The following SPEF2 variants were observed in gnomAD, a reference collection of about 807,000 sequenced individuals.
The protein encoded by SPEF2 is sperm flagella and cilia-associated protein 2.
In SPEF2, 187 loss-of-function variants were observed where a neutral mutation model predicts 224.6. The observed-to-expected ratio is 0.83, with a 90% CI of 0.74 to 0.94. The LOEUF is 0.94. Among genes scored for constraint, SPEF2 ranks in the 40% least tolerant of loss-of-function variants. The pLI, the probability that SPEF2 is intolerant of heterozygous loss-of-function variation, is 0.00. For missense variants in SPEF2, 2,170 were observed against 2,135.6 expected, an observed-to-expected ratio of 1.02 and a Z score of -0.32; for synonymous variants, 715 against 707.3, an observed-to-expected ratio of 1.01 and a Z score of -0.17.
At chr5:35,692,943 T>G (rs933944640) in intron 12 of SPEF2, among the ~76,000 whole-genome samples, 1 of 152,166 alleles carries the variant, frequency 6.6e-6, no homozygotes, top group Non-Finnish European at 1.5e-5. Flanking sequence ...TGTGGGTACT[T>G]GTATAACAAG....
At chr5:35,762,509 T>C (rs1251611675) in intron 25 of SPEF2, among the ~76,000 whole-genome samples, 2 of 152,176 alleles carry the variant, frequency 1.3e-5, no homozygotes. Flanking sequence ...TTAGGCACGG[T>C]AGACTGTGCC....
At chr5:35,690,354 T>C (rs1476544904) in intron 10 of SPEF2, among the ~76,000 whole-genome samples, 2 of 152,194 alleles carry the variant, frequency 1.3e-5, no homozygotes, top group African/African-American at 4.8e-5. Flanking sequence ...ATGTGTACAG[T>C]TTGATCTGAC....
At position 35,773,877 on chromosome 5, in the gene SPEF2, T is replaced by C; in HGVS notation, c.3950-16T>C. 3.1e-6 allele frequency: 5 copies of C among 1,608,786 alleles called. No homozygotes were observed. Among genetic ancestry groups the C allele is most frequent in the Non-Finnish European group, 4.2e-6 (5 of 1,177,902 alleles). On this transcript the variant is annotated splice_polypyrimidine_tract_variant and intron_variant, in intron 27 of 36. Transcript: ENST00000356031. ...TATTTTGTTAGTTTACTCAGCATGT[T>C]TCATTGCCCTTTCAGGTAAATCACC...
chr5:35,756,302 C>T (rs1750437494), intron 24 of SPEF2, among the ~76,000 whole-genome samples: 2 of 152,134 alleles, frequency 1.3e-5, no homozygotes, highest in Non-Finnish European at 2.9e-5. Flanking sequence ...TGAGGTTTCA[C>T]GCATCCATTG....
intron 32 of SPEF2, among the ~76,000 whole-genome samples, chr5:35,794,675 C>T (rs186685235): frequency 6.6e-6 from 1 of 152,276 alleles, no homozygotes; most frequent in Admixed American, 6.5e-5. Context: ...TTGTATGTGG[C>T]AATTAACATA....
At chr5:35,791,378 G>T (rs1483327727) in intron 30 of SPEF2, 1 of 152,152 alleles carries the variant, frequency 6.6e-6, no homozygotes, top group African/African-American at 2.4e-5. Context: ...AAGGATTATT[G>T]CATTTCCCTG....
Position 35,739,890 on chromosome 5 carries a change from AAC to A in SPEF2, c.3064-27_3064-26del, listed in dbSNP as rs752801082. 14 of 1,606,888 alleles carry A rather than the reference AAC, an allele frequency of 8.7e-6. No individual in the cohort carries two copies. The Admixed American group carries it at 2.4e-4, about 28-fold the overall frequency. On this transcript the variant is annotated intron_variant, in intron 21 of 36. Transcript: ENST00000356031. ...TTCAGAAGAACTTTCATTTTGAAGT[AAC>A]AGTTTCTACACTTTACCATTTAACA...
At chr5:35,742,297 C>A (rs1747770837) in intron 23 of SPEF2, among the ~76,000 whole-genome samples, 1 of 152,126 alleles carries the variant, frequency 6.6e-6, no homozygotes, top group Non-Finnish European at 1.5e-5. Flanking sequence ...ATCCAGCTAA[C>A]TGTTGACCAC....
intron 6 of SPEF2, among the ~76,000 whole-genome samples, chr5:35,652,904 T>C (rs1748404667): frequency 6.6e-6 from 1 of 152,100 alleles, no homozygotes; most frequent in Non-Finnish European, 1.5e-5. Context: ...ATAATAAGAT[T>C]ATAAGTAATA....
At position 35,670,051 on chromosome 5, in the gene SPEF2, T is replaced by G; in HGVS notation, c.1356-8T>G. ...TTGATTCATCTCTACCTTTTTTTTG[T>G]GCGATAGTCTGATTCCGTATAAGTT... On this transcript the variant is annotated splice_region_variant and splice_polypyrimidine_tract_variant and intron_variant, in intron 9 of 36. Transcript: ENST00000356031. The G allele has an allele frequency of 6.3e-7, 1 of 1,582,196 alleles. No individual in the cohort carries two copies. Among genetic ancestry groups the G allele is most frequent in the Non-Finnish European group, 8.6e-7 (1 of 1,169,364 alleles).
chr5:35,807,223 G>A lies in SPEF2; in HGVS notation c.5349G>A (p.Leu1783=), dbSNP rs1245914692. Residue 1783 remains leucine, a synonymous_variant, in exon 36 of 37, where the codon CTG becomes CTA. Transcript: ENST00000356031. ...VLLKHPFIQD[L]ISNYSDYKFP... ...TGAAGCATCCTTTTATTCAAGACCT[G>A]ATTTCAAATTATTCAGACTATAAGT... 5 of 1,613,368 alleles carry A rather than the reference G, an allele frequency of 3.1e-6. No individual in the cohort carries two copies. The highest frequency in any genetic ancestry group is 1.1e-5 in the South Asian group (1 of 90,850).
intron 36 of SPEF2, among the ~76,000 whole-genome samples, chr5:35,809,998 C>T (rs1349520037): frequency 6.6e-6 from 1 of 152,064 alleles, no homozygotes; most frequent in Non-Finnish European, 1.5e-5. Context: ...CAATTATTTC[C>T]TCTCATACTG....
chr5:35,734,104 C>T (rs1028916956), intron 21 of SPEF2, among the ~76,000 whole-genome samples: 9 of 152,048 alleles, frequency 5.9e-5, no homozygotes, highest in African/African-American at 1.9e-4. Flanking sequence ...CTGCTCTAGA[C>T]AAGAACTAAT....
At chr5:35,784,030 T>C (rs1394611897) in intron 30 of SPEF2, among the ~76,000 whole-genome samples, 1 of 152,194 alleles carries the variant, frequency 6.6e-6, no homozygotes, top group Non-Finnish European at 1.5e-5. Flanking sequence ...CCCTCTCTTT[T>C]TCTTCAAAAG....
chr5:35,627,319 C>T (rs552225783), intron 1 of SPEF2, among the ~76,000 whole-genome samples: 5 of 151,690 alleles, frequency 3.3e-5, no homozygotes, highest in East Asian at 3.9e-4. Context: ...TTTTTTTTCT[C>T]GGCTGGGCAC....
chr5:35,670,146 A>C lies in SPEF2; in HGVS notation c.1443A>C (p.Leu481=). The C allele has an allele frequency of 6.2e-7, 1 of 1,612,516 alleles. No individual in the cohort carries two copies. The highest frequency in any genetic ancestry group is 8.5e-7 in the Non-Finnish European group (1 of 1,178,984). Reference sequence around the variant, plus strand: ...ATGAACAAGCCTCTGTTAAGACACTACCTGCTAACCCCTCAAGAGAACAAC... The same window carrying C: ...ATGAACAAGCCTCTGTTAAGACACTCCCTGCTAACCCCTCAAGAGAACAAC... ...PIYEQASVKT[L]PANPSREQLT... is the part of the protein sequence containing the mutation. The change falls in exon 10 of 37, where the codon CTA becomes CTC. Residue 481 remains leucine, a synonymous_variant. Transcript: ENST00000356031.
chr5:35,621,364 C>T (rs1743486494), intron 1 of SPEF2, among the ~76,000 whole-genome samples: 1 of 147,986 alleles, frequency 6.8e-6, no homozygotes, highest in Non-Finnish European at 1.5e-5. Flanking sequence ...AGAGGTATTG[C>T]CCTGGATGTT....
Position 35,704,574 on chromosome 5 carries a change from A to T in SPEF2, c.2419A>T (p.Thr807Ser). Reference protein sequence around the residue: ...DIIAEELSYKTAHEDISQRVA... With the variant: ...DIIAEELSYKSAHEDISQRVA... ...CATAGCTGAAGAATTGTCCTATAAA[A>T]CTGCTCACGAAGATATCAGTCAACG... The change falls in exon 17 of 37, where the codon ACT becomes TCT. Residue 807 changes from threonine (T) to serine (S), a missense_variant. Physicochemically the swap from Thr to Ser is moderately conservative, Grantham distance 58. Coordinates refer to ENST00000356031, the MANE Select transcript of SPEF2 (RefSeq NM_024867.4). 1 of 1,611,212 alleles carries T rather than the reference A, an allele frequency of 6.2e-7. No homozygotes were observed. The highest frequency in any genetic ancestry group is 8.5e-7 in the Non-Finnish European group (1 of 1,178,852).
intron 2 of SPEF2, among the ~76,000 whole-genome samples, chr5:35,632,099 G>T (rs937538333): frequency 3.9e-5 from 6 of 152,016 alleles, no homozygotes; most frequent in Admixed American, 1.3e-4. Flanking sequence ...TCCAACCTTT[G>T]CCTGTTACCC....
Sources: allele counts gnomAD v4.1 joint callset (sites outside exome capture counted in the v4.1 genomes callset), GRCh38; gene constraint gnomAD v4.1.1; transcripts MANE v1.5; gene names NCBI Gene and HGNC (gene_info 2026-07-23, HGNC 2026-07-21).